The following VPS13C variants were observed in gnomAD, a reference collection of about 807,000 sequenced individuals.
The protein encoded by VPS13C is vacuolar protein sorting 13 homolog C.
VPS13C carries 358 observed loss-of-function variants against 456.8 expected under a neutral mutation model. The observed-to-expected ratio is 0.78, with a 90% CI of 0.72 to 0.86. The LOEUF (loss-of-function observed/expected upper bound fraction) is 0.86. Among genes scored for constraint, VPS13C ranks in the 40% least tolerant of loss-of-function variants. The pLI is 0.00. For synonymous variants in VPS13C, 1,578 were observed against 1,486.7 expected (o/e 1.06, Z -1.41); for missense variants, 4,818 against 4,385.4 (o/e 1.10, Z -2.79).
chr15:62,059,250 A>G (rs1299506220), intron 1 of VPS13C, among the ~76,000 whole-genome samples: 1 of 152,216 alleles, frequency 6.6e-6, no homozygotes, highest in African/African-American at 2.4e-5. Context: ...CACTAACCTC[A>G]TATCAAGTGC....
Position 61,958,597 on chromosome 15 carries a change from C to T in VPS13C, c.4165+11G>A. The T allele has an allele frequency of 6.8e-7, 1 of 1,464,448 alleles. No homozygotes were observed. Among genetic ancestry groups the T allele is most frequent in the Non-Finnish European group, 9.3e-7 (1 of 1,070,048 alleles). The allele number at this position is 1,464,448 out of a possible 1,614,324, so 90.7% of individuals were successfully genotyped here. On this transcript the variant is annotated intron_variant, in intron 37 of 84. Transcript: ENST00000644861. ...ACATATGTATATTGCCACTTACTGT[C>T]AGCCTCTTACCTGTCTCTTGTACTC...
intron 48 of VPS13C, 35 bp downstream of exon 48, chr15:61,936,562 T>C: frequency 6.7e-7 from 1 of 1,496,476 alleles, no homozygotes; most frequent in Non-Finnish European, 8.9e-7. Context: ...TAACACCAAT[T>C]TTTTCTCCAT....
At position 61,923,861 on chromosome 15, in the gene VPS13C, C is replaced by CTTTTTTTT. The variant is rs1188960583; in HGVS notation, c.6610-1107_6610-1100dup. Among the ~76,000 whole-genome samples, 126 of 75,142 alleles carry CTTTTTTTT rather than the reference C, an allele frequency of 1.7e-3. 22 individuals are homozygous for CTTTTTTTT. Among genetic ancestry groups the CTTTTTTTT allele is most frequent in the African/African-American group, 4.9e-3 (86 of 17,620 alleles). The allele number at this position is 75,142 out of a possible 152,430, so 49.3% of individuals were successfully genotyped here. A position where few individuals can be genotyped will look rare whatever the true frequency, so the allele number is the denominator to read the frequency against. ...GCCATATGTGACCACCCCTCTAAAT[C>CTTTTTTTT]TTTTTTTTTTTTTTTTTTTTTTGAG... On this transcript the variant is annotated intron_variant, in intron 53 of 84. Transcript: ENST00000644861.
chr15:62,027,095 T>C (rs536924758), intron 6 of VPS13C, among the ~76,000 whole-genome samples: 31 of 152,172 alleles, frequency 2.0e-4, no homozygotes, highest in African/African-American at 6.5e-4. Context: ...GGAAATAATA[T>C]GCACTCAGAA....
At chr15:61,921,480 A>G (rs1431076615) in intron 55 of VPS13C, among the ~76,000 whole-genome samples, 1 of 152,106 alleles carries the variant, frequency 6.6e-6, no homozygotes, top group Non-Finnish European at 1.5e-5. Flanking sequence ...ACCCTTAAAA[A>G]TCACTGAGTA....
rs2140864411 is a variant in VPS13C at position 61,867,894 on chromosome 15, G to A, written c.10863+765C>T. ...ACCACAGTTTGTTTTGATTTTTAAG[G>A]ATGAAATCAAGTAGTAGTTTAGGAA... On this transcript the variant is annotated intron_variant, in intron 81 of 84. Coordinates refer to ENST00000644861, the MANE Select transcript of VPS13C (RefSeq NM_020821.3). The surrounding 1 kb of genome is among the most constrained non-coding windows in gnomAD (Gnocchi z 5.0). The A allele has an allele frequency of 1.2e-6, 2 of 1,605,284 alleles. No individual in the cohort carries two copies. Among genetic ancestry groups the A allele is most frequent in the Middle Eastern group, 1.7e-4 (1 of 6,042 alleles).
intron 51 of VPS13C, among the ~76,000 whole-genome samples, chr15:61,928,193 A>G (rs2043931605): frequency 6.6e-6 from 1 of 152,136 alleles, no homozygotes; most frequent in Non-Finnish European, 1.5e-5. Flanking sequence ...AAAGTATAAT[A>G]ATAATAATAA....
rs1316629540 is a variant in VPS13C at position 61,890,198 on chromosome 15, C to T, written c.9308G>A (p.Ser3103Asn). 5 of 1,613,970 alleles carry T rather than the reference C, an allele frequency of 3.1e-6. No homozygotes were observed. The African/African-American group carries it at 5.3e-5, about 17-fold the overall frequency. The change falls in exon 67 of 85, where the codon AGC becomes AAC. Residue 3103 changes from serine (S) to asparagine (N), a missense_variant. Coordinates refer to ENST00000644861, the MANE Select transcript of VPS13C (RefSeq NM_020821.3). ...CCCAATATAGGAAACTTCCTGCTTG[C>T]TTTCATTGTTAACCAGTGAAAGCCC... is the stretch of plus-strand genomic sequence containing the variant. ...SLGLSLVNNE[S>N]KQEVSYIGIT...
intron 38 of VPS13C, among the ~76,000 whole-genome samples, chr15:61,954,004 T>C (rs1392056083): frequency 6.6e-6 from 1 of 152,220 alleles, no homozygotes; most frequent in Non-Finnish European, 1.5e-5. Flanking sequence ...GAAGAAAATG[T>C]ATTTCATCTT....
chr15:62,031,137 T>C lies in VPS13C; in HGVS notation c.385+2304A>G, dbSNP rs191033199. On this transcript the variant is annotated intron_variant, in intron 5 of 84. Coordinates refer to ENST00000644861, the MANE Select transcript of VPS13C (RefSeq NM_020821.3). ...TTCTAAAAATGAACTCATAGTTTTA[T>C]TTCAATTTTATTTTATTCCTATACG... Among the ~76,000 whole-genome samples, 6 of 152,266 alleles carry C rather than the reference T, an allele frequency of 3.9e-5. 1 individual carries two copies. Among genetic ancestry groups the C allele is most frequent in the Non-Finnish European group, 8.8e-5 (6 of 67,990 alleles).
chr15:61,960,739 T>G (rs2140316284), intron 35 of VPS13C, among the ~76,000 whole-genome samples: 1 of 152,270 alleles, frequency 6.6e-6, no homozygotes, highest in East Asian at 1.9e-4. Flanking sequence ...TTTTTCCATT[T>G]TTCTGTAGGT....
In VPS13C at chr15:61,972,692, A is replaced by G. The variant is rs2045591958; in HGVS notation, c.2690T>C (p.Leu897Pro). 1 of 1,613,484 alleles carries G rather than the reference A, an allele frequency of 6.2e-7. No individual in the cohort carries two copies. Among genetic ancestry groups the G allele is most frequent in the South Asian group, 1.1e-5 (1 of 91,066 alleles). The change falls in exon 27 of 85, where the codon CTT (leucine) becomes CCT (proline). Residue 897 changes from leucine to proline, a missense_variant. Around this residue, in one of 3 missense-constraint regions of VPS13C, gnomAD observed 4,552 missense variants for 4,130.6 expected, o/e 1.10. Transcript: ENST00000644861. The stretch of plus-strand genomic sequence containing the variant: ...ATTTGGGACCTCTGCAGCTTTTTTA[A>G]GTTCTGATCCTTTCATACTTTTACA... ...QTCKSMKGSELKKAAEVPNEE... is the reference protein window; with the variant it reads ...QTCKSMKGSEPKKAAEVPNEE...
At chr15:61,903,983 C>T (rs567183309) in intron 66 of VPS13C, among the ~76,000 whole-genome samples, 11 of 152,054 alleles carry the variant, frequency 7.2e-5, no homozygotes, top group African/African-American at 2.2e-4. Context: ...AAAATGAAAC[C>T]GAAATAGATT....
At chr15:61,967,546 A>G in intron 28 of VPS13C, 99 bp from the exon 29 acceptor site, 1 of 926,312 alleles carries the variant, frequency 1.1e-6, no homozygotes, top group Non-Finnish European at 1.6e-6. Flanking sequence ...TTAAGCTTTA[A>G]AAGAAAATCT....
rs956530930 is a variant in VPS13C at position 61,996,994 on chromosome 15, C to CATAT, written c.1353+3569_1353+3570insATAT. Among the ~76,000 whole-genome samples the CATAT allele has an allele frequency of 1.2e-3, 174 of 142,386 alleles. 1 individual carries two copies. Among genetic ancestry groups the CATAT allele is most frequent in the African/African-American group, 4.5e-3 (163 of 36,056 alleles). The allele number at this position is 142,386 out of a possible 152,430, so 93.4% of individuals were successfully genotyped here. A position where few individuals can be genotyped will look rare whatever the true frequency, so the allele number is the denominator to read the frequency against. ...CATCCTTGCCTATATATTTTACATA[C>CATAT]ATACATATATATATATATGTATAGA... On this transcript the variant is annotated intron_variant, in intron 16 of 84. Transcript: ENST00000644861.
intron 53 of VPS13C, among the ~76,000 whole-genome samples, chr15:61,924,028 G>C (rs2043755153): frequency 6.6e-6 from 1 of 150,544 alleles, no homozygotes; most frequent in African/African-American, 2.5e-5. Context: ...ACTACGCCCG[G>C]CTAATTTTTT....
rs750785088 is a variant in VPS13C, at chr15:62,020,473, C to G, written c.684+6G>C. On this transcript the variant is annotated splice_donor_region_variant and intron_variant, in intron 9 of 84. Coordinates refer to ENST00000644861, the MANE Select transcript of VPS13C (RefSeq NM_020821.3). ...CCATAGAAGTTTAAAATAAAGCAAA[C>G]ATTACCAGTAGACTAAGCTCTCCCA... The G allele has an allele frequency of 3.1e-6, 5 of 1,608,228 alleles. No homozygotes were observed. In the Middle Eastern group the frequency reaches 6.6e-4, roughly 213 times the overall value.
In VPS13C at chr15:61,945,875, G is replaced by A. The variant is rs781089729; in HGVS notation, c.4988C>T (p.Ser1663Phe). The A allele has an allele frequency of 2.5e-6, 4 of 1,605,800 alleles. No individual in the cohort carries two copies. The highest frequency in any genetic ancestry group is 1.1e-5 in the South Asian group (1 of 89,442). The stretch of plus-strand genomic sequence containing the variant: ...CCTAAAGACTTCATCTCCCAAAATA[G>A]AGACAGCCTAAAAGTATTAGATTAA... Reference protein sequence around the residue: ...DLQSIHKKAVSILGDEVFRFQ... With the variant: ...DLQSIHKKAVFILGDEVFRFQ... Residue 1663 changes from serine (S) to phenylalanine (F), a missense_variant, in exon 45 of 85, where the codon TCT (serine) becomes TTT (phenylalanine). Transcript: ENST00000644861.
chr15:61,878,457 G>T (rs1040358359), intron 74 of VPS13C, 150 bp downstream of exon 74: 23 of 991,388 alleles, frequency 2.3e-5, no homozygotes, highest in Non-Finnish European at 3.1e-5. Flanking sequence ...CATTCCTAAA[G>T]AGTATAATCA....
Sources: allele counts gnomAD v4.1 joint callset (sites outside exome capture counted in the v4.1 genomes callset), GRCh38; gene constraint gnomAD v4.1.1; regional missense constraint gnomAD v4.1.1; non-coding constraint Gnocchi (gnomAD v3.1); transcripts MANE v1.5; gene names NCBI Gene and HGNC (gene_info 2026-07-23, HGNC 2026-07-21).